Variants in DGKB observed in about 807,000 individuals in gnomAD.
DGKB encodes 90 kDa diacylglycerol kinase.
A neutral mutation model predicts 114.3 loss-of-function variants in DGKB; 67 were observed. The ratio of observed to expected loss-of-function variants is 0.59; its 90% CI spans 0.48 to 0.72. The LOEUF (loss-of-function observed/expected upper bound fraction) is 0.72. Among genes scored for constraint, DGKB ranks in the 30% least tolerant of loss-of-function variants. DGKB has a pLI of 0.00. For synonymous variants in DGKB, 398 were observed against 323.1 expected (o/e 1.23, Z -2.49); for missense variants, 907 against 975.2 (o/e 0.93, Z 0.93).
intron 13 of DGKB, among the ~76,000 whole-genome samples, chr7:14,640,571 A>G (rs1811579372): frequency 6.6e-6 from 1 of 152,204 alleles, no homozygotes; most frequent in African/African-American, 2.4e-5. Context: ...GACAGCAAGG[A>G]GTGGTCATGG....
intron 6 of DGKB, among the ~76,000 whole-genome samples, chr7:14,704,291 A>G (rs901074246): frequency 7.3e-5 from 11 of 150,370 alleles, no homozygotes; most frequent in Non-Finnish European, 1.6e-4. Context: ...AAAAAAAAAA[A>G]AAAAAAATTA....
intron 23 of DGKB, among the ~76,000 whole-genome samples, chr7:14,336,043 C>A (rs1160602788): frequency 6.6e-6 from 1 of 152,126 alleles, no homozygotes; most frequent in Non-Finnish European, 1.5e-5. Context: ...CATGCCTGCC[C>A]TATTGCTGTT....
rs1554334466 is a variant in DGKB, at chr7:14,892,864, A to ATATGTGTG, written c.-188+9727_-188+9728insCACACATA. Among the ~76,000 whole-genome samples, 11 of 147,136 alleles carry ATATGTGTG rather than the reference A, an allele frequency of 7.5e-5. No homozygotes were observed. The East Asian group carries it at 8.1e-4, about 11-fold the overall frequency. On this transcript the variant is annotated intron_variant, in intron 1 of 25. Transcript: ENST00000402815. ...AAGTCAACTAATACCATATATATATATGTGTGTGTGTGTGTGTGTGTGTAT... is the reference window on the plus strand; with the variant it reads ...AAGTCAACTAATACCATATATATATATATGTGTGTGTGTGTGTGTGTGTGTGTGTGTAT...
At chr7:14,233,512 C>T (rs528322834) in intron 23 of DGKB, among the ~76,000 whole-genome samples, 5 of 152,146 alleles carry the variant, frequency 3.3e-5, no homozygotes, top group Admixed American at 2.0e-4. Context: ...TGGCAGTCCA[C>T]GCTCCACACT....
At chr7:14,559,888 C>G (rs1352611804) in intron 20 of DGKB, among the ~76,000 whole-genome samples, 1 of 151,242 alleles carries the variant, frequency 6.6e-6, no homozygotes, top group African/African-American at 2.4e-5. Context: ...TTTTACTTTT[C>G]TTTTCTCTTC....
chr7:14,474,208 C>T (rs1175212881), intron 21 of DGKB, among the ~76,000 whole-genome samples: 1 of 152,016 alleles, frequency 6.6e-6, no homozygotes, highest in African/African-American at 2.4e-5. Flanking sequence ...AAGTTTTTCC[C>T]ATGCTGTTCT....
At chr7:14,301,516 T>G (rs1055835543) in intron 23 of DGKB, among the ~76,000 whole-genome samples, 1 of 152,156 alleles carries the variant, frequency 6.6e-6, no homozygotes, top group Non-Finnish European at 1.5e-5. Flanking sequence ...ACTGTTTAAA[T>G]TAATCCTCAT....
chr7:14,196,023 G>A (rs1584387670), intron 23 of DGKB, among the ~76,000 whole-genome samples: 1 of 152,116 alleles, frequency 6.6e-6, no homozygotes, highest in African/African-American at 2.4e-5. Context: ...ATGTAGAACT[G>A]TTTGTTGCCG....
chr7:14,245,767 A>C (rs993980513), intron 23 of DGKB, among the ~76,000 whole-genome samples: 1 of 152,116 alleles, frequency 6.6e-6, no homozygotes, highest in Non-Finnish European at 1.5e-5. Flanking sequence ...GTCTCTACTA[A>C]AAATACAAAA....
intron 23 of DGKB, among the ~76,000 whole-genome samples, chr7:14,241,060 G>A (rs1462512593): frequency 1.3e-5 from 2 of 152,036 alleles, no homozygotes; most frequent in Non-Finnish European, 2.9e-5. Flanking sequence ...TTAAGAAATG[G>A]TCTGAAAGTG....
At chr7:14,151,215 A>G (rs1219326453) in intron 25 of DGKB, among the ~76,000 whole-genome samples, 1 of 152,058 alleles carries the variant, frequency 6.6e-6, no homozygotes, top group East Asian at 1.9e-4. Flanking sequence ...TTTCTGGACT[A>G]AATGCTTTAC....
At chr7:14,484,520 C>T (rs956933214) in intron 20 of DGKB, among the ~76,000 whole-genome samples, 1 of 152,188 alleles carries the variant, frequency 6.6e-6, no homozygotes, top group African/African-American at 2.4e-5. Flanking sequence ...CCTCTTGCTC[C>T]TGCTATTGCC....
At chr7:14,157,959 T>C (rs1783282423) in intron 25 of DGKB, among the ~76,000 whole-genome samples, 1 of 152,338 alleles carries the variant, frequency 6.6e-6, no homozygotes, top group Middle Eastern at 3.4e-3. Flanking sequence ...ATTTTCTATA[T>C]GGCCTTTTTC....
At chr7:14,442,182 C>T (rs893616647) in intron 21 of DGKB, among the ~76,000 whole-genome samples, 1 of 151,908 alleles carries the variant, frequency 6.6e-6, no homozygotes, top group South Asian at 2.1e-4. Flanking sequence ...TGAACTGATT[C>T]TTAATTACTG....
intron 20 of DGKB, among the ~76,000 whole-genome samples, chr7:14,535,928 G>A (rs1318584792): frequency 6.6e-6 from 1 of 151,912 alleles, no homozygotes; most frequent in Non-Finnish European, 1.5e-5. Context: ...CTTATCGATA[G>A]ACGTACTAAG....
chr7:14,390,828 G>T (rs1024808917), intron 21 of DGKB, among the ~76,000 whole-genome samples: 1 of 152,106 alleles, frequency 6.6e-6, no homozygotes. Context: ...AGATAAAATA[G>T]TCACAATAGA....
At position 14,705,569 on chromosome 7, in the gene DGKB, G is replaced by A. The variant is rs568232483; in HGVS notation, c.467-3839C>T. ...AATGTTAAGGGCAGCCAGAGAGAAA[G>A]GTCGGGTTCCCCTCAAAGGGAAGCC... On this transcript the variant is annotated intron_variant, in intron 6 of 25. Transcript: ENST00000402815. Among the ~76,000 whole-genome samples the A allele has an allele frequency of 4.0e-3, 604 of 150,186 alleles. 1 individual carries two copies. Among genetic ancestry groups the A allele is most frequent in the Middle Eastern group, 0.027 (8 of 294 alleles).
chr7:14,232,419 CTTA>C (rs200968117), intron 23 of DGKB, among the ~76,000 whole-genome samples: 2,265 of 148,944 alleles, frequency 0.015, 58 homozygotes, highest in African/African-American at 0.051. Flanking sequence ...TAAAGGTTGG[CTTA>C]TTATTATTAT....
intron 1 of DGKB, among the ~76,000 whole-genome samples, chr7:14,878,612 A>G (rs1299820252): frequency 2.6e-5 from 4 of 151,578 alleles, no homozygotes; most frequent in African/African-American, 7.3e-5. Flanking sequence ...AGCTGGGCGT[A>G]GTGGCGGGCG....
Sources: allele counts gnomAD v4.1 joint callset (sites outside exome capture counted in the v4.1 genomes callset), GRCh38; gene constraint gnomAD v4.1.1; transcripts MANE v1.5; gene names NCBI Gene and HGNC (gene_info 2026-07-23, HGNC 2026-07-21).